The following MARCHF11 variants were observed in gnomAD, a reference collection of about 807,000 sequenced individuals.
MARCHF11 encodes the protein membrane associated ring-CH-type finger 11.
MARCHF11 carries 29 observed loss-of-function variants against 37.3 expected under a neutral mutation model. That is an observed-to-expected ratio of 0.78 (90% CI 0.58 to 1.06). The LOEUF (loss-of-function observed/expected upper bound fraction) is 1.06, where lower values mean the gene tolerates loss of function less well. MARCHF11 is among the 50% of genes least tolerant of loss of function. The pLI is 0.00. For synonymous variants in MARCHF11, 233 were observed against 228.0 expected, an observed-to-expected ratio of 1.02 and a Z score of -0.20; for missense variants, 482 against 533.4, an observed-to-expected ratio of 0.90 and a Z score of 0.95.
intron 3 of MARCHF11, among the ~76,000 whole-genome samples, chr5:16,089,179 CT>C (rs1457801499): frequency 2.0e-5 from 3 of 151,920 alleles, no homozygotes; most frequent in Admixed American, 1.3e-4. Flanking sequence ...GTCAACTGGA[CT>C]TTTTTTCCTT....
chr5:16,179,328 G>C lies in MARCHF11; in HGVS notation c.248C>G (p.Pro83Arg). Reference sequence around the variant, plus strand: ...GGGCTGCAGGGGCAGGGGCGGAGGCGGCAGCTCGTCCGCTCCCCTGCACCG... The same window carrying C: ...GGGCTGCAGGGGCAGGGGCGGAGGCCGCAGCTCGTCCGCTCCCCTGCACCG... ...APRCRGADEL[P>R]PPPLPLQPAG... Residue 83 changes from proline to arginine, a missense_variant, in exon 1 of 4, where the codon CCG becomes CGG. Pro to Arg is a moderately radical substitution (Grantham distance 103, BLOSUM62 -2). Coordinates refer to ENST00000332432, the MANE Select transcript of MARCHF11 (RefSeq NM_001102562.3). The C allele has an allele frequency of 8.1e-7, 1 of 1,232,438 alleles. No individual in the cohort carries two copies. Among genetic ancestry groups the C allele is most frequent in the Admixed American group, 4.5e-5 (1 of 22,462 alleles). 76.3% of individuals were successfully genotyped at this position (1,232,438 alleles called of 1,614,324 possible). A position where few individuals can be genotyped will look rare whatever the true frequency, so the allele number is the denominator to read the frequency against.
chr5:16,153,865 C>T (rs947472856), intron 2 of MARCHF11, among the ~76,000 whole-genome samples: 5 of 151,924 alleles, frequency 3.3e-5, no homozygotes, highest in African/African-American at 1.2e-4. Context: ...TGAGAAATAA[C>T]CTGTAGACTT....
chr5:16,108,958 C>G (rs959061383), intron 2 of MARCHF11, among the ~76,000 whole-genome samples: 1 of 152,144 alleles, frequency 6.6e-6, no homozygotes, highest in Non-Finnish European at 1.5e-5. Context: ...ATGGAAAAAC[C>G]TCGATGAGGG....
At chr5:16,119,739 T>A (rs1737282646) in intron 2 of MARCHF11, among the ~76,000 whole-genome samples, 1 of 152,182 alleles carries the variant, frequency 6.6e-6, no homozygotes, top group African/African-American at 2.4e-5. Flanking sequence ...GTTTACTGAT[T>A]TGCTGACAAT....
At chr5:16,139,182 G>T (rs1000124422) in intron 2 of MARCHF11, among the ~76,000 whole-genome samples, 21 of 152,278 alleles carry the variant, frequency 1.4e-4, no homozygotes, top group African/African-American at 5.1e-4. Context: ...ATACCCCCAT[G>T]TTGTGGGAGG....
chr5:16,080,028 T>A (rs1736581210), intron 3 of MARCHF11, among the ~76,000 whole-genome samples: 1 of 152,180 alleles, frequency 6.6e-6, no homozygotes, highest in African/African-American at 2.4e-5. Context: ...AACACTACTA[T>A]TAAAGTAAAC....
rs116669284 is a variant in MARCHF11, at chr5:16,113,173, T to C, written c.694-22092A>G. On this transcript the variant is annotated intron_variant, in intron 2 of 3. Coordinates refer to ENST00000332432, the MANE Select transcript of MARCHF11 (RefSeq NM_001102562.3). ...ATAAACTTGGCTCCAGCAGACCTAC[T>C]ATTTTTTCCCAAAATCACCAGTAGA... Among the ~76,000 whole-genome samples the C allele has an allele frequency of 4.9e-3, 753 of 152,352 alleles. 5 individuals are homozygous for C. Among genetic ancestry groups the C allele is most frequent in the African/African-American group, 0.017 (719 of 41,580 alleles).
chr5:16,089,159 G>A (rs1461980472), intron 3 of MARCHF11, among the ~76,000 whole-genome samples: 2 of 151,800 alleles, frequency 1.3e-5, no homozygotes, highest in Non-Finnish European at 2.9e-5. Flanking sequence ...TTTATACTGA[G>A]GGCAAGAAAG....
intron 3 of MARCHF11, among the ~76,000 whole-genome samples, chr5:16,072,012 T>A (rs1250245706): frequency 6.6e-6 from 1 of 152,126 alleles, no homozygotes; most frequent in Non-Finnish European, 1.5e-5. Context: ...CAGGCTGGAG[T>A]GCAGTGACGT....
chr5:16,118,903 G>A (rs2126575566), intron 2 of MARCHF11, among the ~76,000 whole-genome samples: 1 of 152,294 alleles, frequency 6.6e-6, no homozygotes, highest in South Asian at 2.1e-4. Flanking sequence ...CACTTTTAAG[G>A]AGAGTGGCTG....
intron 3 of MARCHF11, among the ~76,000 whole-genome samples, chr5:16,074,503 A>G (rs1487266593): frequency 3.3e-5 from 5 of 152,214 alleles, no homozygotes; most frequent in Non-Finnish European, 7.3e-5. Context: ...ACCATTAGCG[A>G]GATTAACCAA....
chr5:16,116,362 T>G (rs1737226235), intron 2 of MARCHF11, among the ~76,000 whole-genome samples: 1 of 152,068 alleles, frequency 6.6e-6, no homozygotes, highest in Non-Finnish European at 1.5e-5. Context: ...CTACCTCCAA[T>G]CCCATGCTCT....
At chr5:16,069,969 T>C (rs1333160123) in intron 3 of MARCHF11, among the ~76,000 whole-genome samples, 2 of 152,174 alleles carry the variant, frequency 1.3e-5, no homozygotes, top group Admixed American at 6.6e-5. Context: ...TATATTAATA[T>C]AGGCTACAAA....
chr5:16,089,312 G>C (rs999582131), intron 3 of MARCHF11, among the ~76,000 whole-genome samples: 1 of 152,092 alleles, frequency 6.6e-6, no homozygotes, highest in African/African-American at 2.4e-5. Context: ...CTTTGAATGT[G>C]TTAAGGGATT....
intron 2 of MARCHF11, among the ~76,000 whole-genome samples, chr5:16,161,045 T>C (rs1391144388): frequency 6.6e-6 from 1 of 151,978 alleles, no homozygotes; most frequent in Non-Finnish European, 1.5e-5. Context: ...TAAACTTTTT[T>C]TAAATTATAC....
chr5:16,096,831 G>T (rs1435963197), intron 2 of MARCHF11, among the ~76,000 whole-genome samples: 2 of 152,174 alleles, frequency 1.3e-5, no homozygotes, highest in Admixed American at 6.5e-5. Context: ...GGACCTTTCT[G>T]TTGTCTGAAA....
At chr5:16,164,677 G>C (rs373170656) in intron 2 of MARCHF11, among the ~76,000 whole-genome samples, 1 of 151,928 alleles carries the variant, frequency 6.6e-6, no homozygotes, top group Non-Finnish European at 1.5e-5. Flanking sequence ...TGAGATAAAG[G>C]CTATAAATAA....
In MARCHF11 at chr5:16,119,367, A is replaced by T. The variant is rs865989366; in HGVS notation, c.694-28286T>A. Among the ~76,000 whole-genome samples the T allele has an allele frequency of 8.9e-3, 1,236 of 138,650 alleles. 9 individuals carry two copies. Among genetic ancestry groups the T allele is most frequent in the Middle Eastern group, 0.018 (5 of 284 alleles). 91.0% of individuals were successfully genotyped at this position (138,650 alleles called of 152,430 possible). ...ACAGAGTGAGACTCCATCTCAATTA[A>T]AAAAAAAAAAAGTCAAGAAAGAGAA... On this transcript the variant is annotated intron_variant, in intron 2 of 3. Transcript: ENST00000332432.
chr5:16,149,103 C>T (rs79776709), intron 2 of MARCHF11, among the ~76,000 whole-genome samples: 4,919 of 152,134 alleles, frequency 0.032, 287 homozygotes, highest in African/African-American at 0.11. Flanking sequence ...CTATACAGCC[C>T]TTTATTTAAA....
Sources: gnomAD v4.1 joint callset for allele counts (sites outside exome capture counted in the v4.1 genomes callset) on GRCh38, gnomAD v4.1.1 for gene constraint, MANE v1.5 for transcripts, NCBI Gene and HGNC (gene_info 2026-07-23, HGNC 2026-07-21) for gene names.